COPG2: variants seen among roughly 807,000 people sequenced by gnomAD.
COPG2 encodes coat protein complex I subunit gamma 2.
In COPG2, 37 loss-of-function variants were observed where a neutral mutation model predicts 46.3. That is an observed-to-expected ratio of 0.80 (90% CI 0.61 to 1.05). The LOEUF is 1.05. COPG2 is among the 50% of genes least tolerant of loss of function. The pLI is 0.00. For missense variants in COPG2, 427 were observed against 387.8 expected (o/e 1.10, Z -0.85); for synonymous variants, 159 against 129.7 (o/e 1.23, Z -1.53).
At chr7:130,591,008 G>A (rs1428566912) in intron 9 of COPG2, among the ~76,000 whole-genome samples, 22 of 151,450 alleles carry the variant, frequency 1.5e-4, no homozygotes, top group African/African-American at 4.8e-4. Flanking sequence ...AGTGAGGAGC[G>A]TCTCTGCCCG....
At chr7:130,621,942 TCAA>T (rs1309555326) in intron 5 of COPG2, among the ~76,000 whole-genome samples, 1 of 54,142 alleles carries the variant, frequency 1.8e-5, no homozygotes, top group South Asian at 6.5e-4. Context: ...AGACTCCATC[TCAA>T]AAAAAAAAAA....
chr7:130,647,224 T>C (rs762843184), intron 5 of COPG2, among the ~76,000 whole-genome samples: 4 of 151,714 alleles, frequency 2.6e-5, no homozygotes, highest in Non-Finnish European at 5.9e-5. Context: ...TATTTTTATA[T>C]GGGGTTTCCC....
At position 130,654,726 on chromosome 7, in the gene COPG2, A is replaced by T. The variant is rs377699638; in HGVS notation, c.244-1778T>A. On this transcript the variant is annotated intron_variant, in intron 4 of 23. Coordinates refer to ENST00000425248, the MANE Select transcript of COPG2 (RefSeq NM_012133.6). ...AATATAAACAATAAAAAAACTTCCAAAGTATTACCCCACAGGTTGCTGATG... is the reference window on the plus strand; with the variant it reads ...AATATAAACAATAAAAAAACTTCCATAGTATTACCCCACAGGTTGCTGATG... 6.3e-4 allele frequency among the ~76,000 whole-genome samples: 96 copies of T among 152,192 alleles called. 1 individual carries two copies. In the South Asian group the frequency reaches 0.018, roughly 29 times the overall value.
chr7:130,661,158 T>A (rs1360425852), intron 4 of COPG2, among the ~76,000 whole-genome samples: 6 of 152,240 alleles, frequency 3.9e-5, no homozygotes, highest in African/African-American at 1.4e-4. Flanking sequence ...CCCTAATCCA[T>A]TTCCTAGAAG....
At chr7:130,626,576 A>G (rs1378799229) in intron 5 of COPG2, among the ~76,000 whole-genome samples, 4 of 151,982 alleles carry the variant, frequency 2.6e-5, no homozygotes, top group East Asian at 1.9e-4. Context: ...TATAAGAGAG[A>G]GCGCTCCTGA....
Position 130,665,977 on chromosome 7 carries a change from C to T in COPG2, c.171+872G>A, listed in dbSNP as rs545850605. On this transcript the variant is annotated intron_variant, in intron 3 of 23. Coordinates refer to ENST00000425248, the MANE Select transcript of COPG2 (RefSeq NM_012133.6). ...AACAGTGCACAGCACACAGCAGCTA[C>T]GCAATAAATATTTGCTGAATGACGG... Among the ~76,000 whole-genome samples the T allele has an allele frequency of 3.3e-5, 5 of 152,292 alleles. No homozygotes were observed. The South Asian group carries it at 6.2e-4, about 19-fold the overall frequency.
At chr7:130,587,757 C>T (rs1399422480) in intron 9 of COPG2, among the ~76,000 whole-genome samples, 1 of 151,936 alleles carries the variant, frequency 6.6e-6, no homozygotes, top group Non-Finnish European at 1.5e-5. Context: ...TCTAAAACAC[C>T]AAAAGCAATG....
intron 9 of COPG2, among the ~76,000 whole-genome samples, chr7:130,590,830 C>T (rs1490132195): frequency 1.3e-5 from 2 of 152,114 alleles, no homozygotes; most frequent in African/African-American, 2.4e-5. Flanking sequence ...GCCCTGCCCC[C>T]CCGTCTGGGA....
chr7:130,666,091 G>A (rs1196551972), intron 3 of COPG2, among the ~76,000 whole-genome samples: 3 of 152,118 alleles, frequency 2.0e-5, no homozygotes, highest in African/African-American at 7.2e-5. Flanking sequence ...TTACAACTCT[G>A]TAACAGGTAT....
chr7:130,561,752 C>G (rs1793725547), intron 11 of COPG2, among the ~76,000 whole-genome samples: 1 of 152,148 alleles, frequency 6.6e-6, no homozygotes, highest in African/African-American at 2.4e-5. Context: ...ATCCCTTACC[C>G]ACAATTTGGA....
At chr7:130,610,071 T>C (rs572363619) in intron 9 of COPG2, 1 of 519,512 alleles carries the variant, frequency 1.9e-6, no homozygotes, top group South Asian at 1.4e-5. Flanking sequence ...CAGCTTCTAC[T>C]GACTATTTTT....
At chr7:130,577,007 A>C (rs1168072357) in intron 9 of COPG2, among the ~76,000 whole-genome samples, 6 of 152,178 alleles carry the variant, frequency 3.9e-5, no homozygotes, top group African/African-American at 1.4e-4. Flanking sequence ...AAACTAGAAA[A>C]CCTGGAAGAA....
At chr7:130,629,184 TG>T (rs202002845) in intron 5 of COPG2, among the ~76,000 whole-genome samples, 38 of 151,810 alleles carry the variant, frequency 2.5e-4, no homozygotes, top group Middle Eastern at 3.4e-3. Flanking sequence ...TGTCCTTTTT[TG>T]GGGGGGGTAC....
chr7:130,653,915 A>G (rs1161753103), intron 4 of COPG2, among the ~76,000 whole-genome samples: 1 of 152,158 alleles, frequency 6.6e-6, no homozygotes, highest in Non-Finnish European at 1.5e-5. Flanking sequence ...TACTATGAGA[A>G]GAAAACAAAA....
intron 9 of COPG2, among the ~76,000 whole-genome samples, chr7:130,597,126 C>G (rs144418681): frequency 0.016 from 2,459 of 152,262 alleles, 64 homozygotes; most frequent in African/African-American, 0.057. Flanking sequence ...CACGATCCCC[C>G]TTTTGGGAAA....
At chr7:130,577,527 C>T (rs1161355974) in intron 9 of COPG2, among the ~76,000 whole-genome samples, 1 of 151,724 alleles carries the variant, frequency 6.6e-6, no homozygotes, top group Non-Finnish European at 1.5e-5. Context: ...TTTGGGAGGC[C>T]GAGGCGGGTG....
At position 130,548,835 on chromosome 7, in the gene COPG2, G is replaced by A. The variant is rs991048542; in HGVS notation, c.1838-293C>T. On this transcript the variant is annotated intron_variant, in intron 18 of 23. Coordinates refer to ENST00000425248, the MANE Select transcript of COPG2 (RefSeq NM_012133.6). ...CGGGAGGCTGAGGCAGGAGAATGGC[G>A]TGAACCTAGGAGGCAGAGCTTGCAG... Among the ~76,000 whole-genome samples the A allele has an allele frequency of 1.4e-3, 214 of 151,960 alleles. 1 individual carries two copies. Among genetic ancestry groups the A allele is most frequent in the Non-Finnish European group, 1.8e-3 (125 of 67,958 alleles).
intron 9 of COPG2, among the ~76,000 whole-genome samples, chr7:130,568,229 C>G (rs928322005): frequency 1.3e-5 from 2 of 152,032 alleles, no homozygotes; most frequent in African/African-American, 4.8e-5. Flanking sequence ...GAGCCAAGAT[C>G]GCGCCATTGC....
At chr7:130,507,599 TA>T in intron 22 of COPG2, 85 bp downstream of exon 22, 1 of 669,244 alleles carries the variant, frequency 1.5e-6, no homozygotes, top group Non-Finnish European at 2.7e-6. Context: ...TTTTTTTTTT[TA>T]AAGGAGTTCT....
Sources: allele counts gnomAD v4.1 joint callset (sites outside exome capture counted in the v4.1 genomes callset), GRCh38; gene constraint gnomAD v4.1.1; transcripts MANE v1.5; gene names NCBI Gene and HGNC (gene_info 2026-07-23, HGNC 2026-07-21).